Variants in PHF11 observed in about 807,000 individuals in gnomAD.
PHF11 encodes the protein PHD finger protein 11.
In PHF11, 38 loss-of-function variants were observed where a neutral mutation model predicts 40.5. The observed-to-expected ratio is 0.94, with a 90% CI of 0.72 to 1.23. The LOEUF (loss-of-function observed/expected upper bound fraction) is 1.23, where lower values mean the gene tolerates loss of function less well. Ranked by LOEUF, PHF11 falls within the 50% of genes most tolerant of loss-of-function variation. The pLI is 0.00. For synonymous variants in PHF11, 127 were observed against 138.2 expected (o/e 0.92, Z 0.57); for missense variants, 369 against 392.4 (o/e 0.94, Z 0.50).
At chr13:49,527,060 A>AAAC (rs10691721) in intron 9 of PHF11, 73,018 of 151,032 alleles carry the variant, frequency 0.48, 18,162 homozygotes, top group Middle Eastern at 0.6. Context: ...ATCAGAAAAA[A>AAAC]AAAAAACAAA....
Position 49,522,058 on chromosome 13 carries a change from T to C in PHF11, c.521T>C (p.Val174Ala). The change falls in exon 6 of 10, where the codon GTG (valine) becomes GCG (alanine). Residue 174 changes from valine (V) to alanine (A), a missense_variant. By Grantham distance (64) the Val-to-Ala change is moderately conservative. Coordinates refer to ENST00000378319, the MANE Select transcript of PHF11 (RefSeq NM_001040443.3). The stretch of plus-strand genomic sequence containing the variant: ...ATATTTTTAGCTAAATTTTCAGGAG[T>C]GAAAAGAAAAAGAGGAAGGAAGAAA... ...IIAQSAKFSG[V>A]KRKRGRKKPL... 6.5e-7 allele frequency: 1 copy of C among 1,531,404 alleles called. No individual in the cohort carries two copies. Among genetic ancestry groups the C allele is most frequent in the African/African-American group, 1.4e-5 (1 of 73,236 alleles). 94.9% of individuals were successfully genotyped at this position (1,531,404 alleles called of 1,614,324 possible).
At chr13:49,504,784 T>C (rs1304119216) in intron 1 of PHF11, among the ~76,000 whole-genome samples, 3 of 151,090 alleles carry the variant, frequency 2.0e-5, no homozygotes, top group East Asian at 2.0e-4. Flanking sequence ...GGGGGAAAGG[T>C]GGGGAAAAGA....
chr13:49,506,524 A>G, intron 1 of PHF11, 111 bp from the exon 2 acceptor site: 5 of 889,344 alleles, frequency 5.6e-6, no homozygotes, highest in Non-Finnish European at 9.0e-6. Context: ...CTGGGAATTA[A>G]GACTCTCTCA....
chr13:49,511,473 C>A (rs1438916775), intron 2 of PHF11, among the ~76,000 whole-genome samples: 1 of 151,938 alleles, frequency 6.6e-6, no homozygotes, highest in Non-Finnish European at 1.5e-5. Flanking sequence ...ATTACAGGCA[C>A]CTGCCACCAT....
chr13:49,517,058 A>G (rs1266080506), intron 3 of PHF11, among the ~76,000 whole-genome samples: 1 of 152,166 alleles, frequency 6.6e-6, no homozygotes, highest in African/African-American at 2.4e-5. Flanking sequence ...TCAGGAGTAT[A>G]TTGTGAGGTA....
At chr13:49,497,063 C>A in intron 1 of PHF11, 1 of 1,267,380 alleles carries the variant, frequency 7.9e-7, no homozygotes. Context: ...AAGGGCAAGA[C>A]TCAGCCAAAG....
At chr13:49,496,142 G>A in intron 1 of PHF11, 47 bp downstream of exon 1, 4 of 1,076,124 alleles carry the variant, frequency 3.7e-6, no homozygotes, top group Non-Finnish European at 4.8e-6. Context: ...GCTGGGCAGC[G>A]ACGGGCCCGG....
At chr13:49,513,487 T>C (rs1051824414) in intron 3 of PHF11, among the ~76,000 whole-genome samples, 4 of 151,918 alleles carry the variant, frequency 2.6e-5, no homozygotes, top group African/African-American at 7.3e-5. Context: ...CGGGCCACCA[T>C]GCTCGGCAAA....
At chr13:49,523,636 AAAGAC>A in intron 7 of PHF11, 1 of 242,300 alleles carries the variant, frequency 4.1e-6, no homozygotes, top group South Asian at 6.3e-5. Context: ...CTGTTATGTC[AAAGAC>A]TTAAGGGTAA....
intron 9 of PHF11, among the ~76,000 whole-genome samples, chr13:49,528,149 C>A (rs532424056): frequency 1.4e-4 from 22 of 152,282 alleles, no homozygotes; most frequent in African/African-American, 5.1e-4. Flanking sequence ...GGTATTCTAG[C>A]CACATTCTCC....
chr13:49,526,494 T>A, intron 9 of PHF11, 36 bp downstream of exon 9: 2 of 956,170 alleles, frequency 2.1e-6, no homozygotes, highest in South Asian at 2.6e-5. Flanking sequence ...CAGCATAGTT[T>A]TGAGAAATAT....
intron 9 of PHF11, among the ~76,000 whole-genome samples, chr13:49,527,953 T>A (rs1051374575): frequency 6.6e-6 from 1 of 152,254 alleles, no homozygotes; most frequent in African/African-American, 2.4e-5. Context: ...ACTGTTCGAT[T>A]TTGAGGCTTT....
intron 3 of PHF11, among the ~76,000 whole-genome samples, chr13:49,516,379 T>C (rs768539469): frequency 1.2e-4 from 18 of 151,864 alleles, no homozygotes; most frequent in Admixed American, 2.0e-4. Context: ...AAATACTATA[T>C]ACTCATGTAT....
At chr13:49,496,189 G>C in intron 1 of PHF11, 94 bp downstream of exon 1, 1 of 773,794 alleles carries the variant, frequency 1.3e-6, no homozygotes, top group Non-Finnish European at 1.8e-6. Flanking sequence ...CCGCATGGGG[G>C]CCCGACCTGC....
intron 1 of PHF11, among the ~76,000 whole-genome samples, chr13:49,503,899 A>G (rs1958942560): frequency 6.6e-6 from 1 of 151,890 alleles, no homozygotes; most frequent in Non-Finnish European, 1.5e-5. Context: ...TACTGGGCTA[A>G]TTTTTTTGTA....
chr13:49,513,172 T>G lies in PHF11; in HGVS notation c.324+6T>G, dbSNP rs906593096. Reference sequence around the variant, plus strand: ...TCCAGAGAGGAAGGAAGTTGGTAAGTGTAAATGATGTTATTTCTTATACTG... The same window carrying G: ...TCCAGAGAGGAAGGAAGTTGGTAAGGGTAAATGATGTTATTTCTTATACTG... On this transcript the variant is annotated splice_donor_region_variant and intron_variant, in intron 3 of 9. Transcript: ENST00000378319. The G allele has an allele frequency of 1.5e-6, 2 of 1,320,864 alleles. No individual in the cohort carries two copies. Among genetic ancestry groups the G allele is most frequent in the Non-Finnish European group, 2.2e-6 (2 of 913,698 alleles). 81.8% of individuals were successfully genotyped at this position (1,320,864 alleles called of 1,614,324 possible). A position where few individuals can be genotyped will look rare whatever the true frequency, so the allele number is the denominator to read the frequency against.
chr13:49,500,548 A>G (rs957414496), intron 1 of PHF11, among the ~76,000 whole-genome samples: 1 of 152,192 alleles, frequency 6.6e-6, no homozygotes, highest in African/African-American at 2.4e-5. Context: ...GACTCCTCCA[A>G]CTGCAGAGAA....
intron 6 of PHF11, among the ~76,000 whole-genome samples, 187 bp downstream of exon 6, chr13:49,522,294 C>T (rs185758274): frequency 1.3e-5 from 2 of 152,244 alleles, no homozygotes; most frequent in East Asian, 1.9e-4. Context: ...ATCCCATAGT[C>T]GGGAAGCTCT....
At chr13:49,521,504 A>G (rs1959187529) in intron 5 of PHF11, 4 of 985,834 alleles carry the variant, frequency 4.1e-6, no homozygotes, top group Non-Finnish European at 4.8e-6. Context: ...TTTTATGGTG[A>G]TAACATTCTC....
Sources: gnomAD v4.1 joint callset for allele counts (sites outside exome capture counted in the v4.1 genomes callset) on GRCh38, gnomAD v4.1.1 for gene constraint, MANE v1.5 for transcripts, NCBI Gene and HGNC (gene_info 2026-07-23, HGNC 2026-07-21) for gene names.